LRRC28: variants seen among roughly 807,000 people sequenced by gnomAD.
LRRC28 encodes the protein leucine rich repeat containing 28, also known as leucine-rich repeat-containing protein 28.
LRRC28 carries 39 observed loss-of-function variants against 45.7 expected under a neutral mutation model. The observed-to-expected ratio is 0.85, with a 90% CI of 0.66 to 1.12. The LOEUF (loss-of-function observed/expected upper bound fraction) is 1.12, where lower values mean the gene tolerates loss of function less well. LRRC28 is among the 50% of genes most tolerant of loss of function. The pLI is 0.00. For missense variants in LRRC28, 435 were observed against 438.5 expected (o/e 0.99, Z 0.07); for synonymous variants, 206 against 178.8 (o/e 1.15, Z -1.22).
chr15:99,316,466 A>G (rs1955597535), intron 5 of LRRC28, among the ~76,000 whole-genome samples: 1 of 152,188 alleles, frequency 6.6e-6, no homozygotes, highest in Non-Finnish European at 1.5e-5. Context: ...ATTAGGGAAT[A>G]AGGAAATAGG....
In LRRC28 at chr15:99,386,468, TTCCTC is replaced by T. The variant is rs902117232; in HGVS notation, c.*375_*379del. 51 of 146,882 alleles carry T rather than the reference TTCCTC, an allele frequency of 3.5e-4. 1 individual carries two copies. The highest frequency in any genetic ancestry group is 5.8e-4 in the South Asian group (3 of 5,204). 9.1% of individuals were successfully genotyped at this position (146,882 alleles called of 1,614,324 possible). ...TGAACACACATACCTTCAGTGATGC[TTCCTC>T]TCCTCTCCCCTCCCTTGCTTTCCCC... On this transcript the variant is annotated 3_prime_UTR_variant, in exon 10 of 10. Coordinates refer to ENST00000301981, the MANE Select transcript of LRRC28 (RefSeq NM_144598.5).
At chr15:99,259,445 G>T in intron 2 of LRRC28, 1 of 1,309,212 alleles carries the variant, frequency 7.6e-7, no homozygotes, top group Non-Finnish European at 1.1e-6. Context: ...TCATGAAGCA[G>T]TTGAGAAAGA....
intron 1 of LRRC28, among the ~76,000 whole-genome samples, chr15:99,253,905 A>G (rs2080940116): frequency 6.6e-6 from 1 of 152,220 alleles, no homozygotes; most frequent in Admixed American, 6.5e-5. Context: ...ATATGAAAGG[A>G]TGGAATCATT....
At chr15:99,254,248 A>T (rs12594851) in intron 1 of LRRC28, among the ~76,000 whole-genome samples, 14,559 of 152,294 alleles carry the variant, frequency 0.096, 980 homozygotes, top group East Asian at 0.32. Context: ...GAGTAGGTGG[A>T]ATAAATGTGG....
At chr15:99,324,771 C>T (rs542629604) in intron 5 of LRRC28, among the ~76,000 whole-genome samples, 50 of 152,194 alleles carry the variant, frequency 3.3e-4, no homozygotes, top group Non-Finnish European at 6.8e-4. Flanking sequence ...AAGTTAGAGA[C>T]ACTAAGGAAA....
chr15:99,388,589 CTT>C lies in LRRC28; in HGVS notation c.*2490_*2491del, dbSNP rs1442286280. ...TGGATTTATCGATGTCATTCTTAAT[CTT>C]TTGATACTATAAAGGAGTCTTACCA... On this transcript the variant is annotated 3_prime_UTR_variant, in exon 10 of 10. Transcript: ENST00000301981. 1 of 152,182 alleles carries C rather than the reference CTT, an allele frequency of 6.6e-6. No individual in the cohort carries two copies. Among genetic ancestry groups the C allele is most frequent in the Non-Finnish European group, 1.5e-5 (1 of 68,046 alleles). The allele number at this position is 152,182 out of a possible 1,614,324, so 9.4% of individuals were successfully genotyped here. A position where few individuals can be genotyped will look rare whatever the true frequency, so the allele number is the denominator to read the frequency against.
chr15:99,377,758 T>C (rs1471498235), intron 9 of LRRC28, among the ~76,000 whole-genome samples: 2 of 152,128 alleles, frequency 1.3e-5, no homozygotes, highest in East Asian at 1.9e-4. Context: ...GCTTTCTACA[T>C]ATGGCTAGCC....
rs1286233322 is a variant in LRRC28 at position 99,387,362 on chromosome 15, C to T, written c.*1260C>T. ...GGCGTGAGCCACCGCGCCCGGCCCA[C>T]TACTGGTTTTTAACAGGATGATTCA... On this transcript the variant is annotated 3_prime_UTR_variant, in exon 10 of 10. Transcript: ENST00000301981. 4 of 152,280 alleles carry T rather than the reference C, an allele frequency of 2.6e-5. No homozygotes were observed. Among genetic ancestry groups the T allele is most frequent in the Non-Finnish European group, 5.9e-5 (4 of 68,086 alleles). The allele number at this position is 152,280 out of a possible 1,614,324, so 9.4% of individuals were successfully genotyped here.
intron 2 of LRRC28, among the ~76,000 whole-genome samples, chr15:99,257,418 A>T (rs1354926473): frequency 6.6e-6 from 1 of 152,194 alleles, no homozygotes; most frequent in Non-Finnish European, 1.5e-5. Flanking sequence ...TTTGTTCTTT[A>T]TGTATAAAGA....
intron 3 of LRRC28, among the ~76,000 whole-genome samples, chr15:99,282,471 G>A (rs1055265705): frequency 6.6e-6 from 1 of 152,128 alleles, no homozygotes; most frequent in African/African-American, 2.4e-5. Context: ...GTCAATGACA[G>A]GCCACATACA....
At chr15:99,263,512 T>C (rs1476327746) in intron 2 of LRRC28, among the ~76,000 whole-genome samples, 1 of 152,164 alleles carries the variant, frequency 6.6e-6, no homozygotes, top group Admixed American at 6.5e-5. Context: ...ACATGATAGG[T>C]ATTCATGCAG....
At chr15:99,331,273 G>T (rs1956150481) in intron 5 of LRRC28, among the ~76,000 whole-genome samples, 1 of 151,980 alleles carries the variant, frequency 6.6e-6, no homozygotes. Context: ...TGCAGATAAT[G>T]CAATTCAGAG....
chr15:99,297,368 C>T (rs2082292483), intron 5 of LRRC28: 1 of 151,648 alleles, frequency 6.6e-6, no homozygotes, highest in South Asian at 2.1e-4. Flanking sequence ...CTGCCTCAGC[C>T]TCCTGAGTAG....
At chr15:99,262,366 G>A (rs2081221835) in intron 2 of LRRC28, among the ~76,000 whole-genome samples, 1 of 152,110 alleles carries the variant, frequency 6.6e-6, no homozygotes, top group Non-Finnish European at 1.5e-5. Flanking sequence ...CAGATCACTT[G>A]AAGCTAGGAG....
chr15:99,339,459 C>T (rs1362154889), intron 6 of LRRC28, among the ~76,000 whole-genome samples: 2 of 152,074 alleles, frequency 1.3e-5, no homozygotes, highest in East Asian at 3.9e-4. Flanking sequence ...GGCTGGGAAC[C>T]GTGGCTCACG....
chr15:99,379,813 A>T (rs1267321440), intron 9 of LRRC28, among the ~76,000 whole-genome samples: 42 of 152,218 alleles, frequency 2.8e-4, no homozygotes, highest in Non-Finnish European at 1.8e-4. Flanking sequence ...GTAGTCATTC[A>T]GGAGCAGGTT....
intron 5 of LRRC28, among the ~76,000 whole-genome samples, chr15:99,301,892 T>TTA (rs1044663814): frequency 3.3e-5 from 5 of 152,186 alleles, no homozygotes; most frequent in Non-Finnish European, 7.3e-5. Context: ...CCCCAGGGCA[T>TTA]TATCTATACT....
At chr15:99,327,519 G>T (rs951039313) in intron 5 of LRRC28, among the ~76,000 whole-genome samples, 2 of 151,978 alleles carry the variant, frequency 1.3e-5, no homozygotes, top group African/African-American at 4.8e-5. Context: ...CCTTTTAATC[G>T]TTTTAATTTC....
intron 6 of LRRC28, among the ~76,000 whole-genome samples, chr15:99,343,236 A>G (rs961438642): frequency 6.6e-6 from 1 of 152,210 alleles, no homozygotes; most frequent in Non-Finnish European, 1.5e-5. Context: ...TGTTGATGAG[A>G]ATATACCATT....
Sources: allele counts gnomAD v4.1 joint callset (sites outside exome capture counted in the v4.1 genomes callset), GRCh38; gene constraint gnomAD v4.1.1; transcripts MANE v1.5; gene names NCBI Gene and HGNC (gene_info 2026-07-23, HGNC 2026-07-21).